SLC24A2: variants seen among roughly 807,000 people sequenced by gnomAD.
The protein encoded by SLC24A2 is solute carrier family 24 member 2.
A neutral mutation model predicts 62.0 loss-of-function variants in SLC24A2; 36 were observed. The observed-to-expected ratio is 0.58, with a 90% confidence interval of 0.44 to 0.77. The LOEUF (loss-of-function observed/expected upper bound fraction) is 0.77, where lower values mean the gene tolerates loss of function less well. SLC24A2 is among the 30% of genes least tolerant of loss of function. SLC24A2 has a pLI of 0.00. For synonymous variants in SLC24A2, 358 were observed against 294.0 expected (o/e 1.22, Z -2.23); for missense variants, 846 against 817.9 (o/e 1.03, Z -0.42).
the SLC24A2 span, among the ~76,000 whole-genome samples, chr9:20,035,483 G>A: frequency 2.6e-5 from 4 of 152,172 alleles, no homozygotes; most frequent in Non-Finnish European, 5.9e-5. Flanking sequence ...GCTGTGCATG[G>A]TGGCTCACAC....
chr9:19,792,830 C>G (rs1029310740), upstream of SLC24A2, among the ~76,000 whole-genome samples: 1 of 152,132 alleles, frequency 6.6e-6, no homozygotes, highest in Non-Finnish European at 1.5e-5. Context: ...CATATACAAC[C>G]TTTTTTCTGA....
the SLC24A2 span, among the ~76,000 whole-genome samples, chr9:19,829,590 G>T: frequency 6.6e-6 from 1 of 151,550 alleles, no homozygotes; most frequent in Non-Finnish European, 1.5e-5. Context: ...TATAAGCTGG[G>T]CATCGTGACT....
the SLC24A2 span, among the ~76,000 whole-genome samples, chr9:20,261,224 A>C: frequency 2.6e-5 from 4 of 152,100 alleles, no homozygotes; most frequent in Non-Finnish European, 5.9e-5. Flanking sequence ...AGAACATACA[A>C]TGTCTGGTTT....
intron 8 of SLC24A2, among the ~76,000 whole-genome samples, chr9:19,538,690 C>T (rs1489458010): frequency 7.5e-6 from 1 of 132,612 alleles, no homozygotes; most frequent in Non-Finnish European, 1.6e-5. Context: ...CTCTGCCCAG[C>T]TTTGGTATCA....
chr9:20,168,772 C>A, the SLC24A2 span, among the ~76,000 whole-genome samples: 1 of 152,132 alleles, frequency 6.6e-6, no homozygotes, highest in East Asian at 1.9e-4. Flanking sequence ...TAAAATGATG[C>A]AGCCACTGTG....
the SLC24A2 span, among the ~76,000 whole-genome samples, chr9:20,085,903 C>T: frequency 1.3e-5 from 2 of 151,606 alleles, no homozygotes; most frequent in African/African-American, 4.8e-5. Context: ...AATTTTTTTT[C>T]CCTCCAATTT....
chr9:20,262,609 G>T, the SLC24A2 span, among the ~76,000 whole-genome samples: 4 of 152,156 alleles, frequency 2.6e-5, no homozygotes, highest in African/African-American at 9.7e-5. Flanking sequence ...CAACTGGGGA[G>T]GTGCTTATTT....
chr9:19,564,146 C>T (rs900206306), intron 7 of SLC24A2, among the ~76,000 whole-genome samples: 1 of 152,078 alleles, frequency 6.6e-6, no homozygotes, highest in African/African-American at 2.4e-5. Context: ...GTGTGAGCCA[C>T]CATGCCTGGC....
the SLC24A2 span, among the ~76,000 whole-genome samples, chr9:20,241,248 G>T: frequency 6.6e-6 from 1 of 152,210 alleles, no homozygotes; most frequent in Admixed American, 6.5e-5. Flanking sequence ...AGACTTATAT[G>T]AAAGTTTTAA....
the SLC24A2 span, among the ~76,000 whole-genome samples, chr9:20,076,898 A>G: frequency 4.8e-5 from 7 of 145,382 alleles, no homozygotes; most frequent in African/African-American, 1.5e-4. Flanking sequence ...ATATGTGTAT[A>G]TATATATCAT....
intron 2 of SLC24A2, among the ~76,000 whole-genome samples, chr9:19,729,111 T>A (rs1485240686): frequency 6.6e-6 from 1 of 152,110 alleles, no homozygotes; most frequent in South Asian, 2.1e-4. Flanking sequence ...TAAGATATAC[T>A]AATGGCCAGC....
At chr9:20,272,683 C>A in the SLC24A2 span, among the ~76,000 whole-genome samples, 1 of 152,174 alleles carries the variant, frequency 6.6e-6, no homozygotes, top group Non-Finnish European at 1.5e-5. Context: ...CTCAAAATAA[C>A]AAAAAGAAGA....
the SLC24A2 span, among the ~76,000 whole-genome samples, chr9:20,072,508 T>C: frequency 1.3e-5 from 2 of 152,102 alleles, no homozygotes; most frequent in Non-Finnish European, 2.9e-5. Flanking sequence ...ATGTATATGG[T>C]TATATAGCGA....
chr9:19,899,221 C>T, the SLC24A2 span, among the ~76,000 whole-genome samples: 1 of 152,184 alleles, frequency 6.6e-6, no homozygotes, highest in Non-Finnish European at 1.5e-5. Flanking sequence ...GCAAGGGAGA[C>T]TGGGAAAGTA....
At chr9:19,549,389 A>G (rs1245012966) in intron 8 of SLC24A2, among the ~76,000 whole-genome samples, 1 of 152,146 alleles carries the variant, frequency 6.6e-6, no homozygotes, top group Non-Finnish European at 1.5e-5. Context: ...TCCCCCTTTA[A>G]TCAAGACACA....
chr9:20,143,151 G>A, the SLC24A2 span, among the ~76,000 whole-genome samples: 2 of 152,172 alleles, frequency 1.3e-5, no homozygotes, highest in African/African-American at 4.8e-5. Context: ...CAATAGTGAG[G>A]TGAGTGGAAG....
chr9:19,933,879 G>C, the SLC24A2 span, among the ~76,000 whole-genome samples: 8 of 152,206 alleles, frequency 5.3e-5, no homozygotes, highest in Admixed American at 1.3e-4. Context: ...AAAGCCACAT[G>C]TAGTATGATT....
the SLC24A2 span, among the ~76,000 whole-genome samples, chr9:20,007,738 G>T: frequency 4.6e-5 from 7 of 151,984 alleles, no homozygotes; most frequent in East Asian, 1.4e-3. Context: ...AATAGAATTA[G>T]TTCAGCACAG....
intron 2 of SLC24A2, among the ~76,000 whole-genome samples, chr9:19,705,168 T>C (rs1371067655): frequency 6.6e-6 from 1 of 152,176 alleles, no homozygotes; most frequent in African/African-American, 2.4e-5. Flanking sequence ...ATTTAGGCAA[T>C]GGAAGTAAGT....
Sources: gnomAD v4.1 joint callset for allele counts (sites outside exome capture counted in the v4.1 genomes callset) on GRCh38, gnomAD v4.1.1 for gene constraint, MANE v1.5 for transcripts, NCBI Gene and HGNC (gene_info 2026-07-23, HGNC 2026-07-21) for gene names.